SCFD2: variants seen among roughly 807,000 people sequenced by gnomAD.
The protein encoded by SCFD2 is sec1 family domain-containing protein 2.
In SCFD2, 54 loss-of-function variants were observed where a neutral mutation model predicts 58.9. The ratio of observed to expected loss-of-function variants is 0.92; its 90% CI spans 0.74 to 1.15. The LOEUF (loss-of-function observed/expected upper bound fraction) is 1.15, where lower values mean the gene tolerates loss of function less well. Ranked by LOEUF, SCFD2 falls within the 50% of genes most tolerant of loss-of-function variation. The pLI, the probability that SCFD2 is intolerant of heterozygous loss-of-function variation, is 0.00. For synonymous variants in SCFD2, 321 were observed against 335.9 expected (o/e 0.96, Z 0.49); for missense variants, 805 against 836.6 (o/e 0.96, Z 0.47).
intron 4 of SCFD2, among the ~76,000 whole-genome samples, chr4:53,170,932 T>A (rs1282505218): frequency 2.0e-5 from 3 of 152,204 alleles, no homozygotes; most frequent in Admixed American, 2.0e-4. Flanking sequence ...TTTAGTGAAA[T>A]CTTTAGGGTT....
chr4:53,183,316 G>T (rs1485705438), intron 4 of SCFD2, among the ~76,000 whole-genome samples: 2 of 152,178 alleles, frequency 1.3e-5, no homozygotes, highest in Admixed American at 1.3e-4. Flanking sequence ...GGAATACTAT[G>T]CAGCCATAAA....
intron 5 of SCFD2, among the ~76,000 whole-genome samples, chr4:53,106,743 G>T (rs1725014879): frequency 6.6e-6 from 1 of 152,136 alleles, no homozygotes; most frequent in Non-Finnish European, 1.5e-5. Context: ...ACATTTGATT[G>T]TACCTGAAAG....
At chr4:52,945,899 G>A (rs1720411481) in intron 5 of SCFD2, 1 of 151,850 alleles carries the variant, frequency 6.6e-6, no homozygotes, top group African/African-American at 2.4e-5. Flanking sequence ...AATGAGTTTG[G>A]GATTTATACA....
In SCFD2 at chr4:52,874,002, T is replaced by G. The variant is rs1439696139; in HGVS notation, c.2022A>C (p.Ala674=). 2 of 1,613,992 alleles carry G rather than the reference T, an allele frequency of 1.2e-6. No homozygotes were observed. The highest frequency in any genetic ancestry group is 1.3e-5 in the African/African-American group (1 of 74,906). ...CAAGGTCTGGATGCAGTCGGTCAGT[T>G]GCAAATAACAGCTCAGGAATGTTAA... ...KPLNIPELLF[A]TDRLHPDLGF is the part of the protein sequence containing the mutation. The change falls in exon 9 of 9, where the codon GCA becomes GCC. Residue 674 remains alanine, a synonymous_variant. Transcript: ENST00000401642.
At chr4:52,952,850 T>G (rs1720632620) in intron 5 of SCFD2, among the ~76,000 whole-genome samples, 7 of 152,144 alleles carry the variant, frequency 4.6e-5, no homozygotes, top group Admixed American at 4.6e-4. Context: ...CAGATAAAAA[T>G]AGAAATCTTC....
At chr4:53,236,909 G>A (rs1355021499) in intron 4 of SCFD2, among the ~76,000 whole-genome samples, 1 of 151,616 alleles carries the variant, frequency 6.6e-6, no homozygotes, top group South Asian at 2.1e-4. Context: ...CAGGGTCATA[G>A]GACAATAGTG....
intron 2 of SCFD2, among the ~76,000 whole-genome samples, chr4:53,340,040 A>C (rs1733813422): frequency 6.6e-6 from 1 of 152,222 alleles, no homozygotes; most frequent in South Asian, 2.1e-4. Flanking sequence ...CAGTGAGAGC[A>C]ACGCAGAAGA....
intron 4 of SCFD2, among the ~76,000 whole-genome samples, chr4:53,213,213 C>T (rs1470137548): frequency 2.0e-5 from 3 of 152,068 alleles, no homozygotes; most frequent in Non-Finnish European, 4.4e-5. Context: ...ATACAATTGT[C>T]TCCAGTATAA....
chr4:53,028,507 A>G (rs1238105727), intron 5 of SCFD2, among the ~76,000 whole-genome samples: 1 of 152,154 alleles, frequency 6.6e-6, no homozygotes, highest in Non-Finnish European at 1.5e-5. Context: ...AGGAGGAACT[A>G]TGTCTTATTT....
intron 3 of SCFD2, among the ~76,000 whole-genome samples, chr4:53,280,026 T>C (rs1483824921): frequency 1.3e-5 from 2 of 152,346 alleles, no homozygotes; most frequent in African/African-American, 4.8e-5. Flanking sequence ...TCAGAAGCTA[T>C]TCTTCCAATT....
At chr4:53,113,166 T>G (rs1205190998) in intron 5 of SCFD2, among the ~76,000 whole-genome samples, 1 of 152,056 alleles carries the variant, frequency 6.6e-6, no homozygotes, top group African/African-American at 2.4e-5. Flanking sequence ...AAGGAACCCT[T>G]TCCTAACTTC....
In SCFD2 at chr4:53,110,044, A is replaced by G. The variant is rs548054959; in HGVS notation, c.1561+35289T>C. Reference sequence around the variant, plus strand: ...CAAAACAGATATACAGACCAATGGAACAGAACAGAACAGAACAGAACAGAG... The same window carrying G: ...CAAAACAGATATACAGACCAATGGAGCAGAACAGAACAGAACAGAACAGAG... On this transcript the variant is annotated intron_variant, in intron 5 of 8. Transcript: ENST00000401642. 4.1e-3 allele frequency among the ~76,000 whole-genome samples: 289 copies of G among 70,414 alleles called. 1 individual carries two copies. Among genetic ancestry groups the G allele is most frequent in the African/African-American group, 8.1e-3 (272 of 33,560 alleles). 46.2% of individuals were successfully genotyped at this position (70,414 alleles called of 152,430 possible).
chr4:53,001,276 T>C (rs1213403158), intron 5 of SCFD2, among the ~76,000 whole-genome samples: 3 of 152,220 alleles, frequency 2.0e-5, no homozygotes, highest in African/African-American at 7.2e-5. Flanking sequence ...TGTTGTTCTT[T>C]CTACCAGGAC....
chr4:53,075,208 T>A (rs1290555642), intron 5 of SCFD2, among the ~76,000 whole-genome samples: 1 of 152,188 alleles, frequency 6.6e-6, no homozygotes, highest in East Asian at 1.9e-4. Context: ...TTCTGCTAAT[T>A]TCCAACCTGT....
chr4:53,247,055 T>C (rs186132704), intron 4 of SCFD2, among the ~76,000 whole-genome samples: 1 of 137,876 alleles, frequency 7.3e-6, no homozygotes, highest in East Asian at 2.1e-4. Flanking sequence ...AAAGGTTGAA[T>C]ACTAAGAATG....
At chr4:53,042,749 C>T (rs1055246290) in intron 5 of SCFD2, among the ~76,000 whole-genome samples, 2 of 151,950 alleles carry the variant, frequency 1.3e-5, no homozygotes, top group Non-Finnish European at 2.9e-5. Context: ...CCTCCACTTA[C>T]ACACATTAGA....
Position 52,921,943 on chromosome 4 carries a change from A to G in SCFD2, c.1562-1073T>C, listed in dbSNP as rs549269412. On this transcript the variant is annotated intron_variant, in intron 5 of 8. Transcript: ENST00000401642. ...CATTTTCTCTTCCCGTGGAGGAATAATTCTGAGTTGTGGTCTGCACAGCCT... is the reference window on the plus strand; with the variant it reads ...CATTTTCTCTTCCCGTGGAGGAATAGTTCTGAGTTGTGGTCTGCACAGCCT... 6.6e-5 allele frequency among the ~76,000 whole-genome samples: 10 copies of G among 152,280 alleles called. No individual in the cohort carries two copies. In the East Asian group the frequency reaches 1.9e-3, roughly 29 times the overall value.
At chr4:52,982,899 A>T (rs1259352988) in intron 5 of SCFD2, among the ~76,000 whole-genome samples, 2 of 152,172 alleles carry the variant, frequency 1.3e-5, no homozygotes, top group African/African-American at 2.4e-5. Context: ...AGTAGTCAAA[A>T]TAATAATCCA....
intron 4 of SCFD2, among the ~76,000 whole-genome samples, chr4:53,244,663 C>T (rs986111325): frequency 2.6e-5 from 4 of 151,892 alleles, no homozygotes; most frequent in African/African-American, 9.7e-5. Context: ...AAATTAACAA[C>T]CTAACATCAC....
Sources: allele counts gnomAD v4.1 joint callset (sites outside exome capture counted in the v4.1 genomes callset), GRCh38; gene constraint gnomAD v4.1.1; transcripts MANE v1.5; gene names NCBI Gene and HGNC (gene_info 2026-07-23, HGNC 2026-07-21).